Variants in ZNF395 observed in about 807,000 individuals in gnomAD.
ZNF395 encodes zinc finger protein 395.
In ZNF395, 20 loss-of-function variants were observed where a neutral mutation model predicts 57.7. That is an observed-to-expected ratio of 0.35 (90% CI 0.24 to 0.50). The LOEUF (loss-of-function observed/expected upper bound fraction) is 0.50, where lower values mean the gene tolerates loss of function less well. Among genes scored for constraint, ZNF395 ranks in the 20% least tolerant of loss-of-function variants. ZNF395 has a pLI of 0.97. For synonymous variants in ZNF395, 295 were observed against 275.9 expected (o/e 1.07, Z -0.69); for missense variants, 606 against 671.2 (o/e 0.90, Z 1.07).
At chr8:28,358,609 T>A (rs1343744980) in intron 3 of ZNF395, among the ~76,000 whole-genome samples, 2 of 151,764 alleles carry the variant, frequency 1.3e-5, no homozygotes, top group African/African-American at 2.4e-5. Flanking sequence ...CTAATTTTTT[T>A]ATTTTTTTGT....
At chr8:28,366,195 A>G (rs1312661436) in intron 1 of ZNF395, among the ~76,000 whole-genome samples, 1 of 152,196 alleles carries the variant, frequency 6.6e-6, no homozygotes, top group Admixed American at 6.5e-5. Flanking sequence ...TTATAGGTCA[A>G]CTGAGGGATA....
intron 9 of ZNF395, 35 bp downstream of exon 9, chr8:28,349,090 A>G: frequency 6.4e-7 from 1 of 1,552,198 alleles, no homozygotes; most frequent in Non-Finnish European, 8.7e-7. Context: ...AGGGCACAGA[A>G]ACCAGAAGGC....
intron 5 of ZNF395, 108 bp downstream of exon 5, chr8:28,353,065 C>A (rs1328371306): frequency 1.3e-5 from 14 of 1,042,550 alleles, no homozygotes; most frequent in Non-Finnish European, 1.9e-5. Context: ...GGGAGTGAAC[C>A]CAAGACTATC....
chr8:28,359,885 C>G lies in ZNF395; in HGVS notation c.241-61G>C, dbSNP rs894481164. ...TGGATGGGTCTCGCCCTGAAGTTCT[C>G]ATGCACCCCACGTCCCAGGAGCCAG... On this transcript the variant is annotated intron_variant, in intron 2 of 9. Coordinates refer to ENST00000344423, the MANE Select transcript of ZNF395 (RefSeq NM_018660.3). This position sits in a 1 kb window ranked among gnomAD's most constrained non-coding sequence, Gnocchi z 4.7. 6.4e-7 allele frequency: 1 copy of G among 1,562,680 alleles called. No individual in the cohort carries two copies. Among genetic ancestry groups the G allele is most frequent in the Non-Finnish European group, 8.7e-7 (1 of 1,147,716 alleles).
In ZNF395 at chr8:28,348,620, TTCTTTC is replaced by T. The variant is rs1801637494; in HGVS notation, c.*93_*98del. On this transcript the variant is annotated 3_prime_UTR_variant, in exon 10 of 10. Transcript: ENST00000344423. ...ACAGAGCCCAAACTCCGTGTTTCCG[TTCTTTC>T]TCTTTCGGTTTCTGCTGAGGGCTGG... The T allele has an allele frequency of 3.6e-6, 4 of 1,096,494 alleles. No individual in the cohort carries two copies. In the East Asian group the frequency reaches 7.2e-5, roughly 20 times the overall value. 67.9% of individuals were successfully genotyped at this position (1,096,494 alleles called of 1,614,324 possible).
At position 28,346,676 on chromosome 8, in the gene ZNF395, A is replaced by C. The variant is rs190081216; in HGVS notation, c.*2043T>G. 258 of 152,334 alleles carry C rather than the reference A, an allele frequency of 1.7e-3. 1 individual carries two copies. Among genetic ancestry groups the C allele is most frequent in the Admixed American group, 3.0e-3 (46 of 15,298 alleles). The allele number at this position is 152,334 out of a possible 1,614,324, so 9.4% of individuals were successfully genotyped here. On this transcript the variant is annotated 3_prime_UTR_variant, in exon 10 of 10. Transcript: ENST00000344423. ...GCGGGGGGAATTCAAACAGCTTTCTAAAGACGAGACGGCAGTGAAAACTCT... is the reference window on the plus strand; with the variant it reads ...GCGGGGGGAATTCAAACAGCTTTCTCAAGACGAGACGGCAGTGAAAACTCT...
rs371176693 is a variant in ZNF395 at position 28,351,773 on chromosome 8, C to T, written c.955G>A (p.Glu319Lys). 5.7e-6 allele frequency: 9 copies of T among 1,585,534 alleles called. No homozygotes were observed. In the African/African-American group the frequency reaches 1.2e-4, roughly 21 times the overall value. The change falls in exon 7 of 10, where the codon GAG becomes AAG. Residue 319 changes from glutamate (E) to lysine (K), a missense_variant. By Grantham distance (56) the Glu-to-Lys change is moderately conservative (BLOSUM62 1). Coordinates refer to ENST00000344423, the MANE Select transcript of ZNF395 (RefSeq NM_018660.3). ...TVDSDQFKRE[E>K]DFYYTEVQLK... is the part of the protein sequence containing the mutation. Reference sequence around the variant, plus strand: ...TGCACCTCTGTGTAGTAGAAATCCTCCTCCCGCTTGAACTGATCAGAGTCC... The same window carrying T: ...TGCACCTCTGTGTAGTAGAAATCCTTCTCCCGCTTGAACTGATCAGAGTCC...
In ZNF395 at chr8:28,356,829, C is replaced by T. The variant is rs1380291323; in HGVS notation, c.474-50G>A. The T allele has an allele frequency of 1.4e-6, 2 of 1,476,162 alleles. No homozygotes were observed. Among genetic ancestry groups the T allele is most frequent in the Admixed American group, 3.9e-5 (2 of 51,432 alleles). The allele number at this position is 1,476,162 out of a possible 1,614,324, so 91.4% of individuals were successfully genotyped here. A position where few individuals can be genotyped will look rare whatever the true frequency, so the allele number is the denominator to read the frequency against. ...AATGTTACTTCCTGGCATGGCGGGC[C>T]CATGGTCCTTGCAAAACGAGACACC... On this transcript the variant is annotated intron_variant, in intron 3 of 9. Transcript: ENST00000344423. The surrounding 1 kb of genome is among the most constrained non-coding windows in gnomAD (Gnocchi z 4.0).
Position 28,349,160 on chromosome 8 carries a change from G to A in ZNF395, c.1395C>T (p.Ile465=), listed in dbSNP as rs75444725. ...TCTGGGCCCGGGGTGGAGAAGTGAC[G>A]ATCAGATGAGATTTCATCGCAGGTG... The part of the protein sequence containing the change: ...QPAPAMKSHL[I]VTSPPRAQSG... Residue 465 remains isoleucine, a synonymous_variant, in exon 9 of 10, where the codon ATC becomes ATT. Transcript: ENST00000344423. 17,598 of 1,565,476 alleles carry A rather than the reference G, an allele frequency of 0.011. 155 individuals are homozygous for A. The highest frequency in any genetic ancestry group is 0.037 in the South Asian group (3,085 of 83,298).
intron 7 of ZNF395, among the ~76,000 whole-genome samples, chr8:28,351,219 G>A (rs537671125): frequency 6.6e-6 from 1 of 152,348 alleles, no homozygotes; most frequent in East Asian, 1.9e-4. Flanking sequence ...ATAAGCAGAG[G>A]TGTGACAATT....
chr8:28,359,911 G>C lies in ZNF395; in HGVS notation c.241-87C>G. On this transcript the variant is annotated intron_variant, in intron 2 of 9. Coordinates refer to ENST00000344423, the MANE Select transcript of ZNF395 (RefSeq NM_018660.3). The surrounding 1 kb of genome is among the most constrained non-coding windows in gnomAD (Gnocchi z 4.7). ...ATGCACCCCACGTCCCAGGAGCCAG[G>C]ATCTGCCTGCCACAAACCATGTTCT... 2 of 1,507,788 alleles carry C rather than the reference G, an allele frequency of 1.3e-6. No homozygotes were observed. The highest frequency in any genetic ancestry group is 1.8e-6 in the Non-Finnish European group (2 of 1,123,812). The allele number at this position is 1,507,788 out of a possible 1,614,324, so 93.4% of individuals were successfully genotyped here. A position where few individuals can be genotyped will look rare whatever the true frequency, so the allele number is the denominator to read the frequency against.
chr8:28,371,404 T>A (rs780384131), intron 1 of ZNF395, among the ~76,000 whole-genome samples: 5 of 152,162 alleles, frequency 3.3e-5, no homozygotes, highest in Non-Finnish European at 7.4e-5. Flanking sequence ...TTTTCTCGAA[T>A]TCCTGGGCTC....
rs201745108 is a variant in ZNF395, at chr8:28,361,150, G to A, written c.-26C>T. ...GCTGCTGCCTCTCCTCTCCTGCGGA[G>A]GCGAAGGGGACACTGAAGCCTCTGC... On this transcript the variant is annotated 5_prime_UTR_variant, in exon 2 of 10. Transcript: ENST00000344423. 7.5e-4 allele frequency: 1,212 copies of A among 1,609,322 alleles called. 2 individuals are homozygous for A. In the Middle Eastern group the frequency reaches 0.014, roughly 18 times the overall value.
intron 8 of ZNF395, 96 bp downstream of exon 8, chr8:28,349,968 C>T: frequency 8.7e-7 from 1 of 1,150,048 alleles, no homozygotes; most frequent in South Asian, 1.7e-5. Flanking sequence ...GACCTGTGGC[C>T]ACGTGCCCCG....
intron 1 of ZNF395, among the ~76,000 whole-genome samples, chr8:28,370,127 G>A (rs1026378846): frequency 6.6e-6 from 1 of 152,082 alleles, no homozygotes; most frequent in African/African-American, 2.4e-5. Context: ...GAGCCCATGA[G>A]TTAGATGAAT....
rs1801683904 is a variant in ZNF395, at chr8:28,351,579, G to A, written c.1149C>T (p.Gly383=). ...KAQSSGPEHP[G]PESSLPSGAL... is the part of the protein sequence containing the mutation. ...CCCCTGAGGGCAGGGAGGACTCCGG[G>A]CCAGGATGTTCTGGGCCGGAGGACT... Residue 383 remains glycine (G), a synonymous_variant, in exon 7 of 10, where the codon GGC becomes GGT. Coordinates refer to ENST00000344423, the MANE Select transcript of ZNF395 (RefSeq NM_018660.3). 1.2e-6 allele frequency: 2 copies of A among 1,613,718 alleles called. No individual in the cohort carries two copies. Among genetic ancestry groups the A allele is most frequent in the Non-Finnish European group, 1.7e-6 (2 of 1,180,020 alleles).
At chr8:28,372,276 T>A (rs1801985760) in intron 1 of ZNF395, among the ~76,000 whole-genome samples, 1 of 152,026 alleles carries the variant, frequency 6.6e-6, no homozygotes, top group Non-Finnish European at 1.5e-5. Flanking sequence ...ATCCCCCAGG[T>A]CTGAGAGAGG....
intron 1 of ZNF395, among the ~76,000 whole-genome samples, chr8:28,369,875 T>C (rs1197335712): frequency 6.6e-6 from 1 of 152,142 alleles, no homozygotes; most frequent in African/African-American, 2.4e-5. Context: ...CCAAACCAAA[T>C]ATTAAGAAGC....
rs1029291105 is a variant in ZNF395 at position 28,359,967 on chromosome 8, G to A, written c.241-143C>T. 2.9e-6 allele frequency: 4 copies of A among 1,367,700 alleles called. No homozygotes were observed. In the African/African-American group the frequency reaches 5.8e-5, roughly 20 times the overall value. The allele number at this position is 1,367,700 out of a possible 1,614,324, so 84.7% of individuals were successfully genotyped here. Reference sequence around the variant, plus strand: ...TCACTCATCTTTTATTCAAGCAGATGTTCCCAGGTACTCGCTTCCCACCTG... The same window carrying A: ...TCACTCATCTTTTATTCAAGCAGATATTCCCAGGTACTCGCTTCCCACCTG... On this transcript the variant is annotated intron_variant, in intron 2 of 9. Coordinates refer to ENST00000344423, the MANE Select transcript of ZNF395 (RefSeq NM_018660.3). This position sits in a 1 kb window ranked among gnomAD's most constrained non-coding sequence, Gnocchi z 4.7.
Sources: gnomAD v4.1 joint callset for allele counts (sites outside exome capture counted in the v4.1 genomes callset) on GRCh38, gnomAD v4.1.1 for gene constraint, Gnocchi (gnomAD v3.1) non-coding constraint, MANE v1.5 for transcripts, NCBI Gene and HGNC (gene_info 2026-07-23, HGNC 2026-07-21) for gene names.